The following TPT1 variants were observed in gnomAD, a reference collection of about 807,000 sequenced individuals.
TPT1 encodes tumor protein, translationally-controlled 1.
Under a neutral mutation model 22.8 loss-of-function variants are expected in TPT1, and 5 were observed. The ratio of observed to expected loss-of-function variants is 0.22; its 90% CI spans 0.11 to 0.46. The LOEUF (loss-of-function observed/expected upper bound fraction) is 0.46, where lower values mean the gene tolerates loss of function less well. Among genes scored for constraint, TPT1 ranks in the 20% least tolerant of loss-of-function variants. The pLI, the probability that TPT1 is intolerant of heterozygous loss-of-function variation, is 0.99. For synonymous variants in TPT1, 89 were observed against 73.6 expected, an observed-to-expected ratio of 1.21 and a Z score of -1.07; for missense variants, 130 against 218.7, an observed-to-expected ratio of 0.59 and a Z score of 2.56.
In TPT1 at chr13:45,335,422, CAA is replaced by C. The variant is rs1490127735; in HGVS notation, c.*1962_*1963del. 3.3e-5 allele frequency: 5 copies of C among 152,214 alleles called. No homozygotes were observed. Among genetic ancestry groups the C allele is most frequent in the African/African-American group, 7.2e-5 (3 of 41,458 alleles). The allele number at this position is 152,214 out of a possible 1,614,324, so 9.4% of individuals were successfully genotyped here. On this transcript the variant is annotated 3_prime_UTR_variant, in exon 6 of 6. Transcript: ENST00000530705. ...AAACAAGTTGGAGCAGTGGAGCCCACAAAGTCTCTGAATTGCTACTTGTCTGT... is the reference window on the plus strand; with the variant it reads ...AAACAAGTTGGAGCAGTGGAGCCCACAGTCTCTGAATTGCTACTTGTCTGT...
intron 5 of TPT1, 124 bp from the exon 6 acceptor site, chr13:45,337,512 C>T: frequency 6.2e-7 from 1 of 1,613,958 alleles, no homozygotes; most frequent in South Asian, 1.1e-5. Flanking sequence ...TGGGCCGCCA[C>T]AAAGACAGAC....
At position 45,334,873 on chromosome 13, in the gene TPT1, C is replaced by G. The variant is rs1878574343; in HGVS notation, c.*2513G>C. On this transcript the variant is annotated 3_prime_UTR_variant, in exon 6 of 6. Coordinates refer to ENST00000530705, the MANE Select transcript of TPT1 (RefSeq NM_003295.4). ...GGTTAGCAAAGTGGCCACTTTTTTC[C>G]CAGAACACATCACACTCCAGACTAA... 6.6e-6 allele frequency: 1 copy of G among 152,116 alleles called. No individual in the cohort carries two copies. Among genetic ancestry groups the G allele is most frequent in the African/African-American group, 2.4e-5 (1 of 41,402 alleles). The allele number at this position is 152,116 out of a possible 1,614,324, so 9.4% of individuals were successfully genotyped here. A position where few individuals can be genotyped will look rare whatever the true frequency, so the allele number is the denominator to read the frequency against.
Position 45,338,644 on chromosome 13 carries a change from A to C in TPT1, c.516+16T>G, listed in dbSNP as rs1878878094. On this transcript the variant is annotated intron_variant, in intron 5 of 5. Transcript: ENST00000530705. ...TTTTTTACATTATTTATTTTAACCCACTTCCTTGTACTTACACATTTTTCC... is the reference window on the plus strand; with the variant it reads ...TTTTTTACATTATTTATTTTAACCCCCTTCCTTGTACTTACACATTTTTCC... 6.2e-7 allele frequency: 1 copy of C among 1,604,522 alleles called. No individual in the cohort carries two copies. Among genetic ancestry groups the C allele is most frequent in the Admixed American group, 1.8e-5 (1 of 57,118 alleles).
rs1039532728 is a variant in TPT1 at position 45,335,686 on chromosome 13, C to G, written c.*1700G>C. On this transcript the variant is annotated 3_prime_UTR_variant, in exon 6 of 6. Transcript: ENST00000530705. ...ATCCCAACACTTTAGAAGGCCAAAG[C>G]TTGAGATCACTTGAGGCCAGAGTTT... 4.6e-5 allele frequency: 7 copies of G among 152,240 alleles called. No homozygotes were observed. Among genetic ancestry groups the G allele is most frequent in the Non-Finnish European group, 1.0e-4 (7 of 68,084 alleles). The allele number at this position is 152,240 out of a possible 1,614,324, so 9.4% of individuals were successfully genotyped here. A position where few individuals can be genotyped will look rare whatever the true frequency, so the allele number is the denominator to read the frequency against.
rs201345551 is a variant in TPT1, at chr13:45,340,748, C to G, written c.66G>C (p.Glu22Asp). The change falls in exon 2 of 6, where the codon GAG (glutamate) becomes GAC (aspartate). Residue 22 changes from glutamate (E) to aspartate (D), a missense_variant. By Grantham distance (45) the Glu-to-Asp change is conservative. Coordinates refer to ENST00000530705, the MANE Select transcript of TPT1 (RefSeq NM_003295.4). Reference sequence around the variant, plus strand: ...CCTCCAGGCACAACCCGTCCGCGATCTCCCGGATCTTGTAGATGTCGGAGA... The same window carrying G: ...CCTCCAGGCACAACCCGTCCGCGATGTCCCGGATCTTGTAGATGTCGGAGA... ...EMFSDIYKIR[E>D]IADGLCLEVE... The G allele has an allele frequency of 1.3e-6, 2 of 1,521,284 alleles. No individual in the cohort carries two copies. Among genetic ancestry groups the G allele is most frequent in the Non-Finnish European group, 1.8e-6 (2 of 1,135,686 alleles). The allele number at this position is 1,521,284 out of a possible 1,614,324, so 94.2% of individuals were successfully genotyped here.
In TPT1 at chr13:45,335,704, CAG is replaced by C. The variant is rs754251342; in HGVS notation, c.*1680_*1681del. The C allele has an allele frequency of 5.3e-5, 8 of 152,224 alleles. No individual in the cohort carries two copies. Among genetic ancestry groups the C allele is most frequent in the Non-Finnish European group, 7.3e-5 (5 of 68,070 alleles). 9.4% of individuals were successfully genotyped at this position (152,224 alleles called of 1,614,324 possible). ...GCCAAAGCTTGAGATCACTTGAGGC[CAG>C]AGTTTTCAGACCAGCCTGGGCCACA... On this transcript the variant is annotated 3_prime_UTR_variant, in exon 6 of 6. Coordinates refer to ENST00000530705, the MANE Select transcript of TPT1 (RefSeq NM_003295.4).
chr13:45,334,845 T>C lies in TPT1; in HGVS notation c.*2541A>G, dbSNP rs1878572541. Reference sequence around the variant, plus strand: ...CTGCTTTACAACCCTTCCTGTCTTCTTGGGTTAGCAAAGTGGCCACTTTTT... The same window carrying C: ...CTGCTTTACAACCCTTCCTGTCTTCCTGGGTTAGCAAAGTGGCCACTTTTT... On this transcript the variant is annotated 3_prime_UTR_variant, in exon 6 of 6. Transcript: ENST00000530705. 1 of 152,234 alleles carries C rather than the reference T, an allele frequency of 6.6e-6. No homozygotes were observed. Among genetic ancestry groups the C allele is most frequent in the South Asian group, 2.1e-4 (1 of 4,830 alleles). The allele number at this position is 152,234 out of a possible 1,614,324, so 9.4% of individuals were successfully genotyped here.
In TPT1 at chr13:45,341,045, T is replaced by C; in HGVS notation, c.25A>G (p.Ser9Gly). Residue 9 changes from serine to glycine, a missense_variant, in exon 1 of 6, where the codon AGC (serine) becomes GGC (glycine). By Grantham distance (56) the Ser-to-Gly change is moderately conservative. Coordinates refer to ENST00000530705, the MANE Select transcript of TPT1 (RefSeq NM_003295.4). ...GGATAGTGCAGTGAGGACTCACGGC[T>C]GATGAGGTCCCGGTAGATAATCATG... MIIYRDLI[S>G]HDEMFSDIYK... is the part of the protein sequence containing the mutation. The C allele has an allele frequency of 6.2e-7, 1 of 1,612,972 alleles. No individual in the cohort carries two copies. Among genetic ancestry groups the C allele is most frequent in the Non-Finnish European group, 8.5e-7 (1 of 1,179,446 alleles).
chr13:45,337,735 A>G (rs1252855704), intron 5 of TPT1: 3 of 631,936 alleles, frequency 4.7e-6, no homozygotes, highest in Non-Finnish European at 8.4e-6. Flanking sequence ...GTCATCTTAT[A>G]CTGTTCTAAG....
At chr13:45,339,163 G>A in intron 4 of TPT1, 1 of 302,890 alleles carries the variant, frequency 3.3e-6, no homozygotes, top group Non-Finnish European at 6.0e-6. Context: ...GAAAATTAGA[G>A]GAAAGGGAAA....
chr13:45,338,184 G>C (rs1249312013), intron 5 of TPT1: 1 of 165,956 alleles, frequency 6.0e-6, no homozygotes, highest in East Asian at 1.8e-4. Context: ...TGCAGTGGTG[G>C]GATCTCTGCT....
rs375282454 is a variant in TPT1 at position 45,341,024 on chromosome 13, A to G, written c.28+18T>C. 49 of 1,611,124 alleles carry G rather than the reference A, an allele frequency of 3.0e-5. No individual in the cohort carries two copies. The highest frequency in any genetic ancestry group is 3.9e-5 in the Non-Finnish European group (46 of 1,178,462). ...GACCCCCGTGTGCGGCAGTAAGGAT[A>G]GTGCAGTGAGGACTCACGGCTGATG... On this transcript the variant is annotated intron_variant, in intron 1 of 5. Coordinates refer to ENST00000530705, the MANE Select transcript of TPT1 (RefSeq NM_003295.4).
chr13:45,340,542 A>C (rs573535946), intron 2 of TPT1, 170 bp downstream of exon 2: 1 of 886,436 alleles, frequency 1.1e-6, no homozygotes, highest in South Asian at 1.4e-5. Context: ...CGGCGGGCCT[A>C]TTTCCAGGAT....
At position 45,334,696 on chromosome 13, in the gene TPT1, C is replaced by T. The variant is rs1878564538; in HGVS notation, c.*2690G>A. The stretch of plus-strand genomic sequence containing the variant: ...ACACATTATACACAATTATTCTATG[C>T]TTTTACCCTGCCACCTGGCAGCCAA... On this transcript the variant is annotated 3_prime_UTR_variant, in exon 6 of 6. Coordinates refer to ENST00000530705, the MANE Select transcript of TPT1 (RefSeq NM_003295.4). 1 of 152,104 alleles carries T rather than the reference C, an allele frequency of 6.6e-6. No individual in the cohort carries two copies. Among genetic ancestry groups the T allele is most frequent in the African/African-American group, 2.4e-5 (1 of 41,346 alleles). The allele number at this position is 152,104 out of a possible 1,614,324, so 9.4% of individuals were successfully genotyped here. A position where few individuals can be genotyped will look rare whatever the true frequency, so the allele number is the denominator to read the frequency against.
chr13:45,340,474 C>T (rs1267924175), intron 2 of TPT1: 3 of 740,302 alleles, frequency 4.1e-6, no homozygotes, highest in Admixed American at 2.0e-5. Context: ...GGACTCCAGG[C>T]TCCTAAGCCG....
chr13:45,339,684 AAAAAAG>A, intron 3 of TPT1, 82 bp from the exon 4 acceptor site: 1 of 1,351,880 alleles, frequency 7.4e-7, no homozygotes, highest in East Asian at 2.4e-5. Flanking sequence ...TCCAAGCTTA[AAAAAAG>A]AAAACACTGA....
At chr13:45,339,296 A>C (rs1330147776) in intron 4 of TPT1, 2 of 476,148 alleles carry the variant, frequency 4.2e-6, no homozygotes, top group Non-Finnish European at 7.3e-6. Flanking sequence ...TGGTTAAGCA[A>C]TTCACAAAAA....
intron 5 of TPT1, among the ~76,000 whole-genome samples, chr13:45,337,941 CTA>C (rs1878819019): frequency 6.6e-6 from 1 of 152,124 alleles, no homozygotes; most frequent in Non-Finnish European, 1.5e-5. Flanking sequence ...GCAGTCAGCT[CTA>C]TTTACTAAGC....
chr13:45,341,153 G>C lies in TPT1; in HGVS notation c.-84C>G. On this transcript the variant is annotated 5_prime_UTR_variant, in exon 1 of 6. Coordinates refer to ENST00000530705, the MANE Select transcript of TPT1 (RefSeq NM_003295.4). ...GCGAGCGCGGTGCAGCCGGAGCGGC[G>C]CTCGGGGGGAGGGGGGAGCGGGCGG... 3 of 1,572,742 alleles carry C rather than the reference G, an allele frequency of 1.9e-6. No individual in the cohort carries two copies. The highest frequency in any genetic ancestry group is 2.3e-5 in the East Asian group (1 of 42,638).
Sources: gnomAD v4.1 joint callset for allele counts (sites outside exome capture counted in the v4.1 genomes callset) on GRCh38, gnomAD v4.1.1 for gene constraint, MANE v1.5 for transcripts, NCBI Gene and HGNC (gene_info 2026-07-23, HGNC 2026-07-21) for gene names.